Variants in WWP1 observed in about 807,000 individuals in gnomAD.
The protein encoded by WWP1 is NEDD4-like E3 ubiquitin-protein ligase WWP1.
A neutral mutation model predicts 130.6 loss-of-function variants in WWP1; 49 were observed. The ratio of observed to expected loss-of-function variants is 0.38; its 90% confidence interval spans 0.30 to 0.48. The LOEUF (loss-of-function observed/expected upper bound fraction) is 0.48, where lower values mean the gene tolerates loss of function less well. WWP1 is among the 20% of genes least tolerant of loss of function. The pLI is 0.99. For missense variants in WWP1, 809 were observed against 1,100.6 expected (o/e 0.74, Z 3.75); for synonymous variants, 332 against 367.8 (o/e 0.90, Z 1.11).
intron 5 of WWP1, among the ~76,000 whole-genome samples, chr8:86,382,096 C>T (rs1239219413): frequency 6.6e-6 from 1 of 151,954 alleles, no homozygotes; most frequent in East Asian, 1.9e-4. Context: ...TTTTACTATC[C>T]AAGGATAACC....
intron 2 of WWP1, among the ~76,000 whole-genome samples, chr8:86,372,993 G>A (rs1358617788): frequency 6.6e-6 from 1 of 150,980 alleles, no homozygotes; most frequent in Admixed American, 6.7e-5. Context: ...ATGTCTTTAA[G>A]GCTATAAATT....
At chr8:86,451,298 A>G (rs1811166949) in intron 20 of WWP1, among the ~76,000 whole-genome samples, 1 of 149,004 alleles carries the variant, frequency 6.7e-6, no homozygotes. Flanking sequence ...TGGTACAGGG[A>G]AAACAGCAAG....
chr8:86,457,404 GATCT>G (rs923211774), intron 21 of WWP1, among the ~76,000 whole-genome samples: 5 of 132,486 alleles, frequency 3.8e-5, no homozygotes, highest in East Asian at 2.1e-4. Context: ...GTTTGGGGGA[GATCT>G]ATCTGTCTGT....
intron 24 of WWP1, among the ~76,000 whole-genome samples, chr8:86,462,624 G>A (rs1250776253): frequency 1.3e-5 from 2 of 152,212 alleles, no homozygotes; most frequent in Admixed American, 1.3e-4. Context: ...GGATGCAAGG[G>A]TGAATGCAGG....
At chr8:86,421,728 A>C (rs1193209899) in intron 9 of WWP1, among the ~76,000 whole-genome samples, 2 of 152,030 alleles carry the variant, frequency 1.3e-5, no homozygotes, top group Non-Finnish European at 1.5e-5. Context: ...GGAGGCTGAG[A>C]CAGGAGAATG....
intron 7 of WWP1, among the ~76,000 whole-genome samples, chr8:86,399,134 A>C (rs1563497160): frequency 6.6e-6 from 1 of 151,936 alleles, no homozygotes; most frequent in African/African-American, 2.4e-5. Context: ...ACAGTGCTTT[A>C]TTTTTTTTAT....
chr8:86,399,009 C>A (rs1807829506), intron 7 of WWP1, among the ~76,000 whole-genome samples: 1 of 152,100 alleles, frequency 6.6e-6, no homozygotes, highest in African/African-American at 2.4e-5. Flanking sequence ...TTTTCTGTGT[C>A]TGTGGATTGT....
chr8:86,373,819 T>C (rs1824471861), intron 2 of WWP1, among the ~76,000 whole-genome samples: 1 of 152,194 alleles, frequency 6.6e-6, no homozygotes, highest in African/African-American at 2.4e-5. Flanking sequence ...GGCAACATTC[T>C]AATGTTTATT....
intron 1 of WWP1, among the ~76,000 whole-genome samples, chr8:86,359,190 A>G (rs1012519965): frequency 2.0e-5 from 3 of 152,326 alleles, no homozygotes; most frequent in South Asian, 2.1e-4. Context: ...TTCTCTACCT[A>G]AATTTTAATG....
intron 10 of WWP1, among the ~76,000 whole-genome samples, chr8:86,425,603 G>T (rs926279200): frequency 1.3e-5 from 2 of 151,992 alleles, no homozygotes; most frequent in Non-Finnish European, 2.9e-5. Context: ...TAGTATTTAG[G>T]ACAGTTTATA....
chr8:86,360,040 C>T (rs1477132392), intron 1 of WWP1, among the ~76,000 whole-genome samples: 1 of 149,922 alleles, frequency 6.7e-6, no homozygotes, highest in African/African-American at 2.4e-5. Flanking sequence ...CAGAGTGAGA[C>T]TCCCTCTCAA....
At chr8:86,421,049 C>T (rs1809173698) in intron 9 of WWP1, among the ~76,000 whole-genome samples, 1 of 152,224 alleles carries the variant, frequency 6.6e-6, no homozygotes, top group African/African-American at 2.4e-5. Flanking sequence ...ACATGTTAGA[C>T]ATATTCCTGA....
At chr8:86,411,262 T>C (rs568809234) in intron 8 of WWP1, among the ~76,000 whole-genome samples, 1 of 152,218 alleles carries the variant, frequency 6.6e-6, no homozygotes, top group South Asian at 2.1e-4. Context: ...ACTGGTTATC[T>C]TAATGCTGGT....
chr8:86,413,599 C>T (rs560237069), intron 9 of WWP1, among the ~76,000 whole-genome samples: 26 of 152,078 alleles, frequency 1.7e-4, no homozygotes, highest in Non-Finnish European at 2.5e-4. Flanking sequence ...AGTGGAGGCA[C>T]GAGTGGTGAA....
Position 86,442,741 on chromosome 8 carries a change from T to C in WWP1, c.1961T>C (p.Leu654Pro). Residue 654 changes from leucine to proline, a missense_variant, in exon 18 of 25, where the codon CTT (leucine) becomes CCT (proline). Physicochemically the swap from Leu to Pro is moderately conservative, Grantham distance 98. This residue lies in a region of WWP1 where 450 missense variants were observed against 674.2 expected (regional missense o/e 0.67). Coordinates refer to ENST00000517970, the MANE Select transcript of WWP1 (RefSeq NM_007013.4). ...NPASTINPDH[L>P]SYFCFIGRFI... The stretch of plus-strand genomic sequence containing the variant: ...GCATCAACCATTAATCCAGACCATC[T>C]TTCATACTTCTGTTTCATTGGTCGT... 6.2e-7 allele frequency: 1 copy of C among 1,611,394 alleles called. No homozygotes were observed. The highest frequency in any genetic ancestry group is 8.5e-7 in the Non-Finnish European group (1 of 1,179,140).
chr8:86,392,029 C>A (rs1807377935), intron 5 of WWP1, among the ~76,000 whole-genome samples: 1 of 152,188 alleles, frequency 6.6e-6, no homozygotes, highest in African/African-American at 2.4e-5. Context: ...ATTCTTTTGG[C>A]AGCCTTAAGT....
intron 4 of WWP1, 122 bp downstream of exon 4, chr8:86,380,986 A>C: frequency 8.2e-7 from 1 of 1,222,380 alleles, no homozygotes; most frequent in Non-Finnish European, 1.1e-6. Context: ...TGGATCGACA[A>C]TTTAAAGTAT....
At position 86,409,226 on chromosome 8, in the gene WWP1, C is replaced by CTT. The variant is rs1230976832; in HGVS notation, c.725-2291_725-2290dup. On this transcript the variant is annotated intron_variant, in intron 8 of 24. Coordinates refer to ENST00000517970, the MANE Select transcript of WWP1 (RefSeq NM_007013.4). ...TAATTTATTCTTTTTCTTTTTCTTT[C>CTT]TTTTTTTTTTTTTTTTTTTTTTCTT... 2.9e-3 allele frequency among the ~76,000 whole-genome samples: 289 copies of CTT among 100,504 alleles called. 1 individual carries two copies. The highest frequency in any genetic ancestry group is 4.0e-3 in the Non-Finnish European group (203 of 51,164). The allele number at this position is 100,504 out of a possible 152,430, so 65.9% of individuals were successfully genotyped here. A position where few individuals can be genotyped will look rare whatever the true frequency, so the allele number is the denominator to read the frequency against.
At chr8:86,403,847 G>C (rs1285785356) in intron 8 of WWP1, among the ~76,000 whole-genome samples, 1 of 151,912 alleles carries the variant, frequency 6.6e-6, no homozygotes. Context: ...GAGAAGAATA[G>C]ATACAATTAT....
Sources: allele counts gnomAD v4.1 joint callset (sites outside exome capture counted in the v4.1 genomes callset), GRCh38; gene constraint gnomAD v4.1.1; regional missense constraint gnomAD v4.1.1; transcripts MANE v1.5; gene names NCBI Gene and HGNC (gene_info 2026-07-23, HGNC 2026-07-21).